The following LRBA variants were observed in gnomAD, a reference collection of about 807,000 sequenced individuals.
LRBA encodes LPS responsive beige-like anchor protein, also known as lipopolysaccharide-responsive and beige-like anchor protein.
A neutral mutation model predicts 330.0 loss-of-function variants in LRBA; 176 were observed. The observed-to-expected ratio is 0.53, with a 90% CI of 0.47 to 0.60. The LOEUF (loss-of-function observed/expected upper bound fraction) is 0.60, where lower values mean the gene tolerates loss of function less well. LRBA is among the 20% of genes least tolerant of loss of function. The pLI, the probability that LRBA is intolerant of heterozygous loss-of-function variation, is 0.00. For missense variants in LRBA, 3,259 were observed against 3,444.8 expected (o/e 0.95, Z 1.35); for synonymous variants, 1,230 against 1,193.0 (o/e 1.03, Z -0.64).
At chr4:150,832,033 T>G (rs1434388871) in intron 28 of LRBA, 57 bp from the exon 29 acceptor site, 1 of 1,046,976 alleles carries the variant, frequency 9.6e-7, no homozygotes, top group Non-Finnish European at 1.3e-6. Flanking sequence ...ATCATTATAT[T>G]TTACATCACA....
chr4:150,784,988 G>A (rs375831490), intron 34 of LRBA, among the ~76,000 whole-genome samples: 5 of 152,252 alleles, frequency 3.3e-5, no homozygotes, highest in East Asian at 3.9e-4. Flanking sequence ...AGACAGAGCC[G>A]ATTTATCAAG....
chr4:150,828,142 T>C (rs893264833), intron 30 of LRBA, 38 bp downstream of exon 30: 2 of 1,588,926 alleles, frequency 1.3e-6, no homozygotes, highest in Non-Finnish European at 1.7e-6. Flanking sequence ...AAGGGTCAGA[T>C]GTAGAAACAT....
At chr4:150,678,296 A>T (rs369074711) in intron 37 of LRBA, among the ~76,000 whole-genome samples, 31 of 152,180 alleles carry the variant, frequency 2.0e-4, no homozygotes, top group African/African-American at 7.5e-4. Flanking sequence ...CTAATAATAA[A>T]AATTCAAATC....
At chr4:150,877,130 C>T (rs1297263349) in intron 17 of LRBA, among the ~76,000 whole-genome samples, 6 of 151,746 alleles carry the variant, frequency 4.0e-5, no homozygotes, top group East Asian at 1.9e-4. Context: ...TGGTGGCGGG[C>T]GCCTGTATTC....
At chr4:150,994,884 T>C (rs529544506) in intron 2 of LRBA, among the ~76,000 whole-genome samples, 1 of 152,294 alleles carries the variant, frequency 6.6e-6, no homozygotes, top group African/African-American at 2.4e-5. Context: ...CAACAAAGCA[T>C]TGGTGAGCAC....
At chr4:150,734,889 T>C (rs1339904420) in intron 36 of LRBA, among the ~76,000 whole-genome samples, 1 of 152,172 alleles carries the variant, frequency 6.6e-6, no homozygotes, top group East Asian at 1.9e-4. Context: ...GATCTTACCT[T>C]TGCCATAGAG....
At chr4:150,906,657 C>A (rs983813837) in intron 11 of LRBA, among the ~76,000 whole-genome samples, 2 of 152,060 alleles carry the variant, frequency 1.3e-5, no homozygotes, top group Non-Finnish European at 2.9e-5. Flanking sequence ...GAAACAATGA[C>A]AAATGTTCAT....
At chr4:150,817,957 A>C (rs1044427611) in intron 30 of LRBA, among the ~76,000 whole-genome samples, 8 of 152,122 alleles carry the variant, frequency 5.3e-5, no homozygotes, top group Non-Finnish European at 1.0e-4. Context: ...AACTCAGTTA[A>C]TGAGGTAAAG....
chr4:150,354,884 T>A (rs980739458), intron 47 of LRBA, among the ~76,000 whole-genome samples: 4 of 152,080 alleles, frequency 2.6e-5, no homozygotes, highest in Admixed American at 6.5e-5. Context: ...TAGTAAATTA[T>A]TCATAAATAG....
intron 47 of LRBA, among the ~76,000 whole-genome samples, chr4:150,412,537 A>T (rs1369217601): frequency 6.6e-6 from 1 of 152,108 alleles, no homozygotes; most frequent in Non-Finnish European, 1.5e-5. Flanking sequence ...CTGTCAAGAG[A>T]GCGGCTTGCC....
In LRBA at chr4:150,999,712, C is replaced by CAA. The variant is rs75623464; in HGVS notation, c.216+14713_216+14714dup. Among the ~76,000 whole-genome samples the CAA allele has an allele frequency of 1.4e-4, 20 of 141,702 alleles. No individual in the cohort carries two copies. The East Asian group carries it at 2.0e-3, about 14-fold the overall frequency. 93.0% of individuals were successfully genotyped at this position (141,702 alleles called of 152,430 possible). A position where few individuals can be genotyped will look rare whatever the true frequency, so the allele number is the denominator to read the frequency against. On this transcript the variant is annotated intron_variant, in intron 2 of 56. Coordinates refer to ENST00000651943, the MANE Select transcript of LRBA (RefSeq NM_001364905.1). ...AGAATGACAAATTTAAAAAACAAAA[C>CAA]AAAAAAAAAAACAATTTCAGGTATA...
chr4:150,514,901 T>C (rs1303445593), intron 40 of LRBA, among the ~76,000 whole-genome samples: 1 of 152,180 alleles, frequency 6.6e-6, no homozygotes, highest in Non-Finnish European at 1.5e-5. Flanking sequence ...ACGACTTGCC[T>C]GGTAGTGTAC....
intron 40 of LRBA, among the ~76,000 whole-genome samples, chr4:150,565,796 A>T (rs1769049097): frequency 6.6e-6 from 1 of 152,152 alleles, no homozygotes; most frequent in South Asian, 2.1e-4. Context: ...ATATGTATGT[A>T]TGTTTAAATT....
At chr4:150,679,646 T>G (rs1473384953) in intron 37 of LRBA, 1 of 152,222 alleles carries the variant, frequency 6.6e-6, no homozygotes, top group Non-Finnish European at 1.5e-5. Flanking sequence ...CGCCTCTAGC[T>G]TGAGGGCATC....
At chr4:150,333,110 A>T (rs2126975666) in intron 48 of LRBA, among the ~76,000 whole-genome samples, 1 of 152,296 alleles carries the variant, frequency 6.6e-6, no homozygotes, top group East Asian at 1.9e-4. Flanking sequence ...GCTTAGTGAC[A>T]GTGTAGTATT....
chr4:150,269,215 A>ATGTT (rs1215944960), intron 56 of LRBA, among the ~76,000 whole-genome samples: 1 of 152,182 alleles, frequency 6.6e-6, no homozygotes, highest in African/African-American at 2.4e-5. Flanking sequence ...AAGAAGAAAT[A>ATGTT]TGTTAGCAGT....
intron 30 of LRBA, among the ~76,000 whole-genome samples, chr4:150,822,862 T>C (rs1178914715): frequency 6.6e-6 from 1 of 152,174 alleles, no homozygotes; most frequent in Admixed American, 6.6e-5. Context: ...CTGGCCAACA[T>C]GGTGAAACCT....
chr4:150,908,042 A>T (rs558421973), intron 11 of LRBA, among the ~76,000 whole-genome samples: 11 of 152,252 alleles, frequency 7.2e-5, no homozygotes, highest in South Asian at 4.1e-4. Context: ...AGTAAAAAAA[A>T]TTTTTAATTT....
At chr4:150,952,603 T>A (rs941298902) in intron 2 of LRBA, among the ~76,000 whole-genome samples, 3 of 152,110 alleles carry the variant, frequency 2.0e-5, no homozygotes, top group African/African-American at 7.2e-5. Flanking sequence ...CTGAGCCTCA[T>A]CCTGACCGTC....
Sources: allele counts gnomAD v4.1 joint callset (sites outside exome capture counted in the v4.1 genomes callset), GRCh38; gene constraint gnomAD v4.1.1; transcripts MANE v1.5; gene names NCBI Gene and HGNC (gene_info 2026-07-23, HGNC 2026-07-21).